The following NSF variants were observed in gnomAD, a reference collection of about 807,000 sequenced individuals.
NSF encodes N-ethylmaleimide sensitive factor, vesicle fusing ATPase.
In NSF, 14 loss-of-function variants were observed where a neutral mutation model predicts 50.3. That is an observed-to-expected ratio of 0.28 (90% CI 0.18 to 0.44). NSF has a LOEUF of 0.44. Ranked by LOEUF, NSF falls within the 20% of genes least tolerant of loss-of-function variation. The pLI is 1.00. For synonymous variants in NSF, 109 were observed against 175.7 expected (o/e 0.62, Z 3.00); for missense variants, 218 against 504.3 (o/e 0.43, Z 5.44).
chr17:46,750,456 G>C (rs2059171216), intron 18 of NSF, among the ~76,000 whole-genome samples: 1 of 152,208 alleles, frequency 6.6e-6, no homozygotes, highest in South Asian at 2.1e-4. Context: ...CTGGAAATCT[G>C]AAATGCTTCA....
intron 15 of NSF, among the ~76,000 whole-genome samples, chr17:46,721,305 T>C (rs1301007414): frequency 6.6e-6 from 1 of 152,188 alleles, no homozygotes; most frequent in Non-Finnish European, 1.5e-5. Flanking sequence ...TTCTGTGTTT[T>C]CTAGAGCTGC....
chr17:46,755,460 G>A (rs975482032), intron 20 of NSF, 91 bp downstream of exon 20: 2 of 1,109,238 alleles, frequency 1.8e-6, no homozygotes, highest in African/African-American at 1.5e-5. Context: ...TCCTAGATAA[G>A]TTTGTTTCCA....
At chr17:46,735,939 C>A (rs1341662491) in intron 17 of NSF, among the ~76,000 whole-genome samples, 2 of 152,006 alleles carry the variant, frequency 1.3e-5, no homozygotes, top group African/African-American at 4.8e-5. Context: ...GAGTGAGACT[C>A]TGTCTCAAAA....
intron 15 of NSF, among the ~76,000 whole-genome samples, chr17:46,718,828 G>T (rs1281545857): frequency 6.6e-6 from 1 of 152,182 alleles, no homozygotes; most frequent in Non-Finnish European, 1.5e-5. Flanking sequence ...TGAAATCAAT[G>T]AAGTGTAGTG....
intron 15 of NSF, among the ~76,000 whole-genome samples, chr17:46,723,665 A>G (rs1399999945): frequency 6.6e-6 from 1 of 152,126 alleles, no homozygotes; most frequent in Non-Finnish European, 1.5e-5. Flanking sequence ...ATCAGGACAG[A>G]TCCTTGACTC....
intron 15 of NSF, 109 bp from the exon 16 acceptor site, chr17:46,726,440 G>A (rs2058890365): frequency 5.3e-6 from 5 of 940,028 alleles, no homozygotes; most frequent in Non-Finnish European, 7.0e-6. Context: ...CAAAGTGTTG[G>A]TGTTTTCCTG....
intron 13 of NSF, 86 bp from the exon 14 acceptor site, chr17:46,710,877 A>G: frequency 8.5e-7 from 1 of 1,179,598 alleles, no homozygotes; most frequent in Non-Finnish European, 1.2e-6. Flanking sequence ...CAATACCTTT[A>G]GCATGTACGG....
At chr17:46,703,702 A>AAAC (rs1254919501) in intron 12 of NSF, among the ~76,000 whole-genome samples, 3 of 148,236 alleles carry the variant, frequency 2.0e-5, no homozygotes, top group South Asian at 2.1e-4. Context: ...AAAAAAAAAA[A>AAAC]AACAAAAAAC....
chr17:46,730,917 G>A (rs1325146632), intron 17 of NSF, among the ~76,000 whole-genome samples: 2 of 152,180 alleles, frequency 1.3e-5, no homozygotes, highest in Non-Finnish European at 2.9e-5. Context: ...GTAATGACAA[G>A]CGCTGGTGCA....
rs1207491445 is a variant in NSF at position 46,756,915 on chromosome 17, T to C, written c.*1092T>C. ...AGCACCCGTTGAGTCCTTTTGAGGG[T>C]GATTTGTCTTACAACTGACTGACTT... On this transcript the variant is annotated 3_prime_UTR_variant, in exon 21 of 21. Transcript: ENST00000398238. 1 of 152,546 alleles carries C rather than the reference T, an allele frequency of 6.6e-6. No individual in the cohort carries two copies. The highest frequency in any genetic ancestry group is 1.5e-5 in the Non-Finnish European group (1 of 68,042). 9.4% of individuals were successfully genotyped at this position (152,546 alleles called of 1,614,324 possible). A position where few individuals can be genotyped will look rare whatever the true frequency, so the allele number is the denominator to read the frequency against.
intron 9 of NSF, among the ~76,000 whole-genome samples, chr17:46,691,816 A>G (rs1451080163): frequency 6.6e-6 from 1 of 151,162 alleles, no homozygotes; most frequent in Non-Finnish European, 1.5e-5. Flanking sequence ...GCAGTGGTGC[A>G]GTCTCGGCTC....
chr17:46,625,949 A>G lies in NSF; in HGVS notation c.99-664A>G, dbSNP rs1160472190. On this transcript the variant is annotated intron_variant, in intron 2 of 20. Coordinates refer to ENST00000398238, the MANE Select transcript of NSF (RefSeq NM_006178.4). ...AGGATTTGAAGCTTCTATCTTACAC[A>G]TAGTACTTTTTAGTTACCTGGTATA... is the stretch of plus-strand genomic sequence containing the variant. 2.1e-5 allele frequency among the ~76,000 whole-genome samples: 3 copies of G among 145,808 alleles called. 1 individual carries two copies. The highest frequency in any genetic ancestry group is 6.9e-3 in the Middle Eastern group (2 of 288).
intron 17 of NSF, among the ~76,000 whole-genome samples, chr17:46,736,860 A>T (rs753797107): frequency 2.6e-5 from 4 of 152,104 alleles, no homozygotes; most frequent in Non-Finnish European, 4.4e-5. Context: ...GTGCCTCCTA[A>T]CTCTCACAGT....
chr17:46,720,952 T>C (rs909105170), intron 15 of NSF, among the ~76,000 whole-genome samples: 1 of 152,198 alleles, frequency 6.6e-6, no homozygotes, highest in Non-Finnish European at 1.5e-5. Context: ...TTTGCACTTG[T>C]GTAGACTCTG....
chr17:46,707,073 A>C (rs1347582734), intron 13 of NSF, among the ~76,000 whole-genome samples: 1 of 151,590 alleles, frequency 6.6e-6, no homozygotes, highest in African/African-American at 2.4e-5. Context: ...CTGGTCTCGA[A>C]CTCCTGACCT....
At chr17:46,661,378 T>TTTA (rs892367324) in intron 8 of NSF, among the ~76,000 whole-genome samples, 3,440 of 105,672 alleles carry the variant, frequency 0.033, 96 homozygotes, top group African/African-American at 0.11. Flanking sequence ...TACATTTCTT[T>TTTA]TTATTATTAT....
intron 15 of NSF, among the ~76,000 whole-genome samples, chr17:46,718,750 C>T (rs1272522718): frequency 6.6e-6 from 1 of 152,162 alleles, no homozygotes; most frequent in Non-Finnish European, 1.5e-5. Flanking sequence ...ATATTAATAG[C>T]TGCATTATAG....
At chr17:46,740,790 T>C (rs936791926) in intron 17 of NSF, among the ~76,000 whole-genome samples, 2 of 152,006 alleles carry the variant, frequency 1.3e-5, no homozygotes, top group Non-Finnish European at 1.5e-5. Flanking sequence ...GCCCCACAAG[T>C]AGCTGGGATT....
At chr17:46,732,333 CT>C (rs1323650803) in intron 17 of NSF, among the ~76,000 whole-genome samples, 1 of 152,086 alleles carries the variant, frequency 6.6e-6, no homozygotes, top group Non-Finnish European at 1.5e-5. Context: ...CAGATATTCT[CT>C]TTTCTCCTTC....
Sources: allele counts gnomAD v4.1 joint callset (sites outside exome capture counted in the v4.1 genomes callset), GRCh38; gene constraint gnomAD v4.1.1; transcripts MANE v1.5; gene names NCBI Gene and HGNC (gene_info 2026-07-23, HGNC 2026-07-21).